The following CUX1 variants were observed in gnomAD, a reference collection of about 807,000 sequenced individuals.
CUX1 encodes cut like homeobox 1, also known as protein CASP.
In CUX1, 31 loss-of-function variants were observed where a neutral mutation model predicts 158.8. The ratio of observed to expected loss-of-function variants is 0.20; its 90% confidence interval spans 0.15 to 0.26. The LOEUF (loss-of-function observed/expected upper bound fraction) is 0.26. Among genes scored for constraint, CUX1 ranks in the 10% least tolerant of loss-of-function variants. The probability of loss-of-function intolerance (pLI) is 1.00; values close to 1 mark genes in which losing one functional copy is unlikely to be tolerated. For synonymous variants in CUX1, 879 were observed against 862.1 expected (o/e 1.02, Z -0.34); for missense variants, 1,589 against 2,014.6 (o/e 0.79, Z 4.04).
intron 15 of CUX1, 98 bp from the exon 16 acceptor site, chr7:102,198,704 T>C (rs570467898): frequency 1.9e-4 from 206 of 1,074,760 alleles, no homozygotes; most frequent in Non-Finnish European, 2.4e-4. Context: ...GCCCTTTCTT[T>C]AGTGACAGGC....
intron 2 of CUX1, among the ~76,000 whole-genome samples, chr7:101,989,054 C>CTG (rs1814734849): frequency 6.6e-6 from 1 of 152,074 alleles, no homozygotes; most frequent in Non-Finnish European, 1.5e-5. Context: ...AGATTTCCTA[C>CTG]TGGAAGCAAG....
intron 1 of CUX1, among the ~76,000 whole-genome samples, chr7:101,882,873 C>G (rs1799856957): frequency 2.0e-5 from 3 of 152,184 alleles, no homozygotes; most frequent in Admixed American, 2.0e-4. Context: ...TTCCTTGTTC[C>G]CTGTCTCGCC....
chr7:102,256,281 C>T lies in CUX1; in HGVS notation c.*7239C>T, dbSNP rs1476127400. ...TGACTGCTACTGACCTGCCGGCGTG[C>T]GTGAGGGTGATTATAAAAGGATGTT... On this transcript the variant is annotated 3_prime_UTR_variant, in exon 24 of 24. Transcript: ENST00000292535. 1 of 985,082 alleles carries T rather than the reference C, an allele frequency of 1.0e-6. No homozygotes were observed. The highest frequency in any genetic ancestry group is 1.2e-6 in the Non-Finnish European group (1 of 829,874). The allele number at this position is 985,082 out of a possible 1,614,324, so 61.0% of individuals were successfully genotyped here.
At position 102,082,731 on chromosome 7, in the gene CUX1, C is replaced by T. The variant is rs190657956; in HGVS notation, c.268+12314C>T. Among the ~76,000 whole-genome samples the T allele has an allele frequency of 1.1e-4, 16 of 147,326 alleles. 2 individuals are homozygous for T. The East Asian group carries it at 2.3e-3, about 21-fold the overall frequency. ...ATTTGGTCTGTGGTCCTACATCTGG[C>T]CTCTTTCACTCAGCGCGGTGTTTTG... On this transcript the variant is annotated intron_variant, in intron 4 of 23. Transcript: ENST00000292535.
chr7:101,965,714 TG>T (rs926552621), intron 2 of CUX1, among the ~76,000 whole-genome samples: 1 of 151,432 alleles, frequency 6.6e-6, no homozygotes, highest in African/African-American at 2.4e-5. Flanking sequence ...CGGGGCGTGG[TG>T]GCAGGCGCCT....
At chr7:102,186,577 G>GTATA (rs143666730) in intron 11 of CUX1, among the ~76,000 whole-genome samples, 2,142 of 120,254 alleles carry the variant, frequency 0.018, 31 homozygotes, top group Middle Eastern at 0.046. Context: ...AACCTAGATA[G>GTATA]TATATATATA....
intron 8 of CUX1, among the ~76,000 whole-genome samples, chr7:102,152,716 G>A (rs1039944346): frequency 2.0e-5 from 3 of 152,156 alleles, no homozygotes; most frequent in Non-Finnish European, 2.9e-5. Context: ...TAATCAGAGC[G>A]TTTCCTCGCC....
intron 4 of CUX1, 78 bp from the exon 5 acceptor site, chr7:102,097,286 A>G (rs1403805590): frequency 4.6e-6 from 7 of 1,507,102 alleles, no homozygotes; most frequent in Non-Finnish European, 6.2e-6. Flanking sequence ...CAGGAGCCCC[A>G]CTCTGAGCCT....
chr7:101,830,531 C>T (rs1041281012), intron 1 of CUX1, among the ~76,000 whole-genome samples: 2 of 152,186 alleles, frequency 1.3e-5, no homozygotes, highest in Non-Finnish European at 2.9e-5. Context: ...TAGCTCTCTG[C>T]AACCGCGAAC....
At position 102,201,786 on chromosome 7, in the gene CUX1, C is replaced by T. The variant is rs144936081; in HGVS notation, c.2489C>T (p.Pro830Leu). The change falls in exon 18 of 24, where the codon CCG becomes CTG. Residue 830 changes from proline (P) to leucine (L), a missense_variant. Physicochemically the swap from Pro to Leu is moderately conservative, Grantham distance 98. This residue lies in a region of CUX1 where 337 missense variants were observed against 409.3 expected (regional missense o/e 0.82). Transcript: ENST00000292535. The surrounding 1 kb of genome is among the most constrained non-coding windows in gnomAD (Gnocchi z 5.0). ...WKDHWWSAVQ[P>L]ERRNAASSEE... ...GACCACTGGTGGAGCGCGGTGCAGC[C>T]GGAGAGAAGAAATGCCGCCTCCTCC... 8.8e-5 allele frequency: 142 copies of T among 1,612,630 alleles called. 1 individual carries two copies. In the African/African-American group the frequency reaches 1.5e-3, roughly 17 times the overall value.
At chr7:101,976,425 G>A (rs1282329612) in intron 2 of CUX1, among the ~76,000 whole-genome samples, 1 of 152,124 alleles carries the variant, frequency 6.6e-6, no homozygotes, top group Non-Finnish European at 1.5e-5. Flanking sequence ...ATTTTTGAGC[G>A]ATGGGAAATG....
intron 5 of CUX1, among the ~76,000 whole-genome samples, chr7:102,103,869 G>A (rs554358142): frequency 6.6e-6 from 1 of 152,100 alleles, no homozygotes; most frequent in African/African-American, 2.4e-5. Flanking sequence ...ATAGAGAATG[G>A]GGTACCGTAG....
chr7:101,890,239 G>A (rs1466051342), intron 1 of CUX1, among the ~76,000 whole-genome samples: 3 of 152,326 alleles, frequency 2.0e-5, no homozygotes, highest in East Asian at 3.9e-4. Flanking sequence ...CAAAGAATAG[G>A]GGGGCTGTGG....
chr7:102,207,473 CAG>C (rs1468760772), intron 20 of CUX1, among the ~76,000 whole-genome samples: 1 of 150,902 alleles, frequency 6.6e-6, no homozygotes, highest in Non-Finnish European at 1.5e-5. Flanking sequence ...TTTTTTGAGA[CAG>C]AGTCTCGCTG....
intron 1 of CUX1, among the ~76,000 whole-genome samples, chr7:101,851,190 G>A (rs1464749861): frequency 1.3e-5 from 2 of 152,182 alleles, no homozygotes; most frequent in Admixed American, 1.3e-4. Flanking sequence ...AATATACAGT[G>A]TTTCCATAGC....
At chr7:102,206,184 G>A (rs113810442) in intron 20 of CUX1, among the ~76,000 whole-genome samples, 5 of 152,140 alleles carry the variant, frequency 3.3e-5, no homozygotes, top group African/African-American at 9.7e-5. Flanking sequence ...AGATGCAGCC[G>A]GGGCACCTCG....
chr7:101,863,186 A>G (rs1797634400), intron 1 of CUX1, among the ~76,000 whole-genome samples: 1 of 152,148 alleles, frequency 6.6e-6, no homozygotes, highest in Non-Finnish European at 1.5e-5. Context: ...AAAATGACAA[A>G]GATTCATCAA....
At chr7:101,817,571 AG>A, upstream of CUX1, 1 of 1,478,852 alleles carries the variant, frequency 6.8e-7, no homozygotes, top group Non-Finnish European at 8.9e-7. The surrounding 1 kb of genome is among the most constrained non-coding windows in gnomAD (Gnocchi z 4.1). Flanking sequence ...GCGCACCCTT[AG>A]GGTCCGCCCC....
chr7:102,078,111 G>T (rs1826977087), intron 4 of CUX1, among the ~76,000 whole-genome samples: 1 of 151,986 alleles, frequency 6.6e-6, no homozygotes. Flanking sequence ...TAGCAGCGGG[G>T]TCTCTGTTGC....
Sources: allele counts gnomAD v4.1 joint callset (sites outside exome capture counted in the v4.1 genomes callset), GRCh38; gene constraint gnomAD v4.1.1; regional missense constraint gnomAD v4.1.1; non-coding constraint Gnocchi (gnomAD v3.1); transcripts MANE v1.5; gene names NCBI Gene and HGNC (gene_info 2026-07-23, HGNC 2026-07-21).